The following SEMA5A variants were observed in gnomAD, a reference collection of about 807,000 sequenced individuals.
SEMA5A encodes semaphorin 5A, also known as semaphorin-5A.
A neutral mutation model predicts 135.5 loss-of-function variants in SEMA5A; 55 were observed. The ratio of observed to expected loss-of-function variants is 0.41; its 90% CI spans 0.33 to 0.51. SEMA5A has a LOEUF of 0.51. Ranked by LOEUF, SEMA5A falls within the 20% of genes least tolerant of loss-of-function variation. SEMA5A has a pLI of 0.37. For missense variants in SEMA5A, 1,290 were observed against 1,419.9 expected (o/e 0.91, Z 1.47); for synonymous variants, 580 against 546.5 (o/e 1.06, Z -0.85).
intron 4 of SEMA5A, among the ~76,000 whole-genome samples, chr5:9,335,329 C>A (rs1041619939): frequency 2.6e-5 from 4 of 152,162 alleles, no homozygotes; most frequent in African/African-American, 9.7e-5. Context: ...CCCTTGAAAA[C>A]AATTCCCAGC....
chr5:9,360,975 A>C (rs1754664111), intron 3 of SEMA5A, among the ~76,000 whole-genome samples: 1 of 152,204 alleles, frequency 6.6e-6, no homozygotes, highest in South Asian at 2.1e-4. Context: ...GGGGCATAAC[A>C]ATAAATAAGA....
chr5:9,197,784 G>GTGTT (rs1554001604), intron 9 of SEMA5A, among the ~76,000 whole-genome samples: 5 of 108,646 alleles, frequency 4.6e-5, no homozygotes, highest in Non-Finnish European at 6.9e-5. Context: ...GTGTGTGTGT[G>GTGTT]TTTTAACCCA....
At chr5:9,217,094 G>A (rs28795500) in intron 8 of SEMA5A, among the ~76,000 whole-genome samples, 4,447 of 152,100 alleles carry the variant, frequency 0.029, 231 homozygotes, top group African/African-American at 0.1. Flanking sequence ...CGTGTTTAAG[G>A]GTGGTTTTGT....
rs371831692 is a variant in SEMA5A at position 9,126,414 on chromosome 5, G to C, written c.1600-3577C>G. On this transcript the variant is annotated intron_variant, in intron 13 of 22. Transcript: ENST00000382496. Reference sequence around the variant, plus strand: ...CAGACCCTTGAGGCAGAGAGTTAGTGGGGAGGGAGACTGTTTGAGAGGCTC... The same window carrying C: ...CAGACCCTTGAGGCAGAGAGTTAGTCGGGAGGGAGACTGTTTGAGAGGCTC... Among the ~76,000 whole-genome samples the C allele has an allele frequency of 3.3e-5, 5 of 152,132 alleles. No homozygotes were observed. The East Asian group carries it at 5.8e-4, about 18-fold the overall frequency.
At position 9,063,106 on chromosome 5, in the gene SEMA5A, C is replaced by T; in HGVS notation, c.2300-1G>A. The stretch of plus-strand genomic sequence containing the variant: ...GCACGCAGGAAATCCCCAGAAAGCC[C>T]TGCCAAGGAAACAGGTGAAGTGTGA... On this transcript the variant is annotated splice_acceptor_variant, in intron 17 of 22. Transcript: ENST00000382496. LOFTEE classifies it high-confidence loss of function. 6.2e-7 allele frequency: 1 copy of T among 1,610,016 alleles called. No individual in the cohort carries two copies. Among genetic ancestry groups the T allele is most frequent in the Non-Finnish European group, 8.5e-7 (1 of 1,177,980 alleles).
intron 8 of SEMA5A, among the ~76,000 whole-genome samples, chr5:9,223,212 G>A (rs1228853502): frequency 6.6e-6 from 1 of 152,222 alleles, no homozygotes. Flanking sequence ...CCCTTTGGAA[G>A]CAATAGAGTC....
At chr5:9,532,400 G>A (rs186317248) in intron 1 of SEMA5A, among the ~76,000 whole-genome samples, 3 of 151,242 alleles carry the variant, frequency 2.0e-5, no homozygotes, top group African/African-American at 7.3e-5. Flanking sequence ...CAAGTAGCTG[G>A]GATTACAGGT....
chr5:9,098,670 A>C (rs981587257), intron 16 of SEMA5A, among the ~76,000 whole-genome samples: 1 of 152,246 alleles, frequency 6.6e-6, no homozygotes, highest in African/African-American at 2.4e-5. Context: ...TGCCTTTAAC[A>C]GAATCTGTTT....
chr5:9,371,318 A>G (rs2126436465), intron 3 of SEMA5A, among the ~76,000 whole-genome samples: 1 of 152,296 alleles, frequency 6.6e-6, no homozygotes, highest in Non-Finnish European at 1.5e-5. Flanking sequence ...ATTATTGCTT[A>G]TAAAAATGCA....
intron 1 of SEMA5A, among the ~76,000 whole-genome samples, chr5:9,534,601 C>A (rs781338998): frequency 1.3e-5 from 2 of 152,030 alleles, no homozygotes; most frequent in Non-Finnish European, 2.9e-5. Flanking sequence ...CGGTCCCGAT[C>A]CAGACCCCAA....
intron 16 of SEMA5A, among the ~76,000 whole-genome samples, chr5:9,092,435 G>A (rs1739088245): frequency 6.6e-6 from 1 of 152,130 alleles, no homozygotes; most frequent in African/African-American, 2.4e-5. Flanking sequence ...TCTTGCCTGT[G>A]GGGACCTGAT....
rs1449355580 is a variant in SEMA5A, at chr5:9,122,644, T to G, written c.1781+12A>C. The G allele has an allele frequency of 5.7e-6, 9 of 1,572,636 alleles. No individual in the cohort carries two copies. In the South Asian group the frequency reaches 1.1e-4, roughly 18 times the overall value. On this transcript the variant is annotated intron_variant, in intron 14 of 22. Coordinates refer to ENST00000382496, the MANE Select transcript of SEMA5A (RefSeq NM_003966.3). ...ACACAGCAGCACAACTGGCGTGTTC[T>G]GAGCGGCACACCTGGAACAGTTGGC... is the stretch of plus-strand genomic sequence containing the variant.
chr5:9,209,312 C>T (rs1746217865), intron 8 of SEMA5A, among the ~76,000 whole-genome samples: 2 of 152,192 alleles, frequency 1.3e-5, no homozygotes, highest in African/African-American at 4.8e-5. Flanking sequence ...AAATCACACA[C>T]TCCTATTAGT....
At chr5:9,291,761 C>CTTTTTTTTTTTT (rs57416491) in intron 5 of SEMA5A, among the ~76,000 whole-genome samples, 1 of 128,178 alleles carries the variant, frequency 7.8e-6, no homozygotes, top group East Asian at 2.3e-4. Flanking sequence ...CAGCCAAGTT[C>CTTTTTTTTTTTT]TTTTTTTTTT....
At chr5:9,079,460 G>C (rs1364217064) in intron 16 of SEMA5A, among the ~76,000 whole-genome samples, 1 of 152,036 alleles carries the variant, frequency 6.6e-6, no homozygotes, top group East Asian at 1.9e-4. Context: ...GAGAAAGTAG[G>C]AAGGATCTAA....
intron 1 of SEMA5A, among the ~76,000 whole-genome samples, chr5:9,522,533 C>T (rs13178837): frequency 0.25 from 37,836 of 151,920 alleles, 5,128 homozygotes; most frequent in Non-Finnish European, 0.31. Flanking sequence ...GCCGAGATTG[C>T]GCCATTGCAC....
At chr5:9,510,147 C>T (rs1265654016) in intron 1 of SEMA5A, among the ~76,000 whole-genome samples, 6 of 152,196 alleles carry the variant, frequency 3.9e-5, no homozygotes, top group African/African-American at 1.4e-4. Flanking sequence ...GCCATTTTAA[C>T]TCCCGTGGCA....
intron 4 of SEMA5A, among the ~76,000 whole-genome samples, chr5:9,318,669 G>A (rs1752495153): frequency 6.6e-6 from 1 of 152,170 alleles, no homozygotes; most frequent in Admixed American, 6.5e-5. Flanking sequence ...CTTACGGTAA[G>A]TGTAAGTCAT....
intron 4 of SEMA5A, among the ~76,000 whole-genome samples, chr5:9,336,573 CG>C (rs1753400538): frequency 6.6e-6 from 1 of 152,136 alleles, no homozygotes; most frequent in Non-Finnish European, 1.5e-5. Flanking sequence ...CCATACTCAC[CG>C]CCTCCTCACA....
Sources: gnomAD v4.1 joint callset for allele counts (sites outside exome capture counted in the v4.1 genomes callset) on GRCh38, gnomAD v4.1.1 for gene constraint, MANE v1.5 for transcripts, NCBI Gene and HGNC (gene_info 2026-07-23, HGNC 2026-07-21) for gene names.